DIAPH2: variants seen among roughly 807,000 people sequenced by gnomAD.
DIAPH2 encodes the protein protein diaphanous homolog 2.
In DIAPH2, 35 loss-of-function variants were observed where a neutral mutation model predicts 92.7. That is an observed-to-expected ratio of 0.38 (90% CI 0.29 to 0.50). The LOEUF (loss-of-function observed/expected upper bound fraction) is 0.50, where lower values mean the gene tolerates loss of function less well. Among genes scored for constraint, DIAPH2 ranks in the 20% least tolerant of loss-of-function variants. The pLI, the probability that DIAPH2 is intolerant of heterozygous loss-of-function variation, is 0.94. For synonymous variants in DIAPH2, 301 were observed against 280.4 expected (o/e 1.07, Z -0.73); for missense variants, 701 against 819.5 (o/e 0.86, Z 1.77).
intron 26 of DIAPH2, among the ~76,000 whole-genome samples, chrX:97,531,584 T>A (rs765488511): frequency 1.8e-5 from 2 of 112,284 alleles, no homozygotes; most frequent in African/African-American, 6.5e-5. Context: ...TACATACTAA[T>A]GTTTATCTGT....
chrX:97,503,843 CA>C (rs2070814811), intron 26 of DIAPH2, among the ~76,000 whole-genome samples: 1 of 112,059 alleles, frequency 8.9e-6, no homozygotes, highest in Non-Finnish European at 1.9e-5. Flanking sequence ...TATCCAAAAA[CA>C]ATTCTTTTTA....
At position 97,238,976 on chromosome X, in the gene DIAPH2, T is replaced by A. The variant is rs549629578; in HGVS notation, c.2720-8739T>A. On this transcript the variant is annotated intron_variant, in intron 22 of 26. Coordinates refer to ENST00000324765, the MANE Select transcript of DIAPH2 (RefSeq NM_006729.5). ...TGTTTGGGCCTATTCACATATAGAC[T>A]TGCAAGAGTAAATTCTTACTTGGTC... 7.9e-4 allele frequency among the ~76,000 whole-genome samples: 88 copies of A among 112,094 alleles called. 4 individuals carry two copies. The South Asian group carries it at 0.02, about 26-fold the overall frequency.
chrX:96,889,374 A>G (rs2065291963), intron 5 of DIAPH2, among the ~76,000 whole-genome samples: 1 of 111,451 alleles, frequency 9.0e-6, no homozygotes, highest in South Asian at 3.7e-4. Context: ...TCTTTGCCCT[A>G]TCCATTGTGG....
chrX:97,335,245 C>G (rs1034614292), intron 23 of DIAPH2, among the ~76,000 whole-genome samples: 1 of 111,381 alleles, frequency 9.0e-6, no homozygotes, highest in Admixed American at 9.6e-5. Flanking sequence ...GTTCAATAAA[C>G]ATTAGTTTCT....
At chrX:97,389,465 C>CAA (rs1164301048) in intron 25 of DIAPH2, among the ~76,000 whole-genome samples, 749 of 34,423 alleles carry the variant, frequency 0.022, 15 homozygotes, top group African/African-American at 0.071. Context: ...GACTCTGTCT[C>CAA]AAAAAAAAAA....
intron 17 of DIAPH2, among the ~76,000 whole-genome samples, chrX:97,008,374 CATCT>C (rs749193559): frequency 1.8e-5 from 2 of 110,843 alleles, no homozygotes; most frequent in South Asian, 7.8e-4. Context: ...TTGAATTCTC[CATCT>C]GAAAGGTCAC....
chrX:97,243,425 A>G lies in DIAPH2; in HGVS notation c.2720-4290A>G, dbSNP rs73632883. ...TGATACTCTGTAACCTGAGTTTTTC[A>G]AATTTAAGAGGCTGGTCCAAATCTC... On this transcript the variant is annotated intron_variant, in intron 22 of 26. Coordinates refer to ENST00000324765, the MANE Select transcript of DIAPH2 (RefSeq NM_006729.5). Among the ~76,000 whole-genome samples the G allele has an allele frequency of 2.5e-3, 272 of 110,550 alleles. 1 individual carries two copies. Among genetic ancestry groups the G allele is most frequent in the African/African-American group, 8.7e-3 (263 of 30,331 alleles).
At chrX:97,377,488 T>A (rs1032863704) in intron 24 of DIAPH2, among the ~76,000 whole-genome samples, 3 of 112,191 alleles carry the variant, frequency 2.7e-5, no homozygotes, top group Non-Finnish European at 5.6e-5. Context: ...TCTGTTATAA[T>A]CTTATGGGAC....
chrX:97,325,727 G>A (rs2068945405), intron 23 of DIAPH2, among the ~76,000 whole-genome samples: 2 of 110,496 alleles, frequency 1.8e-5, no homozygotes, highest in African/African-American at 3.3e-5. Flanking sequence ...ACAGGCGCCC[G>A]CCACCGCGCC....
At chrX:96,931,383 T>C (rs1468742053) in intron 10 of DIAPH2, among the ~76,000 whole-genome samples, 3 of 111,881 alleles carry the variant, frequency 2.7e-5, no homozygotes, top group Non-Finnish European at 5.7e-5. Flanking sequence ...TTTGGAATGA[T>C]TTTGTATGCT....
chrX:97,197,665 A>G (rs2067714607), intron 22 of DIAPH2, among the ~76,000 whole-genome samples: 1 of 112,050 alleles, frequency 8.9e-6, no homozygotes, highest in African/African-American at 3.2e-5. Flanking sequence ...ACTATAGATG[A>G]CATTTGTTTC....
At chrX:96,691,855 G>A (rs2063799496) in intron 1 of DIAPH2, among the ~76,000 whole-genome samples, 1 of 111,678 alleles carries the variant, frequency 9.0e-6, no homozygotes, top group South Asian at 3.7e-4. Context: ...TTATTAGGAA[G>A]GAATTATTCC....
intron 5 of DIAPH2, among the ~76,000 whole-genome samples, chrX:96,897,384 A>G (rs1311409813): frequency 2.7e-5 from 3 of 110,438 alleles, no homozygotes; most frequent in African/African-American, 9.9e-5. Context: ...GGAAGTTGCA[A>G]TGAATTTATA....
At chrX:97,052,096 T>C (rs2066524288) in intron 17 of DIAPH2, among the ~76,000 whole-genome samples, 1 of 111,226 alleles carries the variant, frequency 9.0e-6, no homozygotes, top group Admixed American at 9.6e-5. Context: ...GAATAAGACG[T>C]GTTCAACTAT....
intron 26 of DIAPH2, among the ~76,000 whole-genome samples, chrX:97,472,709 C>T (rs1196718481): frequency 3.6e-5 from 4 of 112,175 alleles, no homozygotes; most frequent in African/African-American, 9.7e-5. Context: ...ATTATAATTG[C>T]TTGCTTGTTT....
chrX:97,275,839 G>A (rs2068445666), intron 23 of DIAPH2, among the ~76,000 whole-genome samples: 1 of 111,695 alleles, frequency 9.0e-6, no homozygotes, highest in African/African-American at 3.2e-5. Flanking sequence ...GATGATGGGC[G>A]GCCAGGCAGA....
At chrX:97,440,821 A>G (rs2070249203) in intron 26 of DIAPH2, among the ~76,000 whole-genome samples, 1 of 109,852 alleles carries the variant, frequency 9.1e-6, no homozygotes, top group Non-Finnish European at 1.9e-5. Flanking sequence ...GACATGGGAG[A>G]CTCAAATAGG....
intron 26 of DIAPH2, among the ~76,000 whole-genome samples, chrX:97,524,423 C>T (rs1278689532): frequency 8.9e-6 from 1 of 112,204 alleles, no homozygotes; most frequent in Non-Finnish European, 1.9e-5. Flanking sequence ...GTAAAAATGA[C>T]TTAAGTGCTT....
intron 23 of DIAPH2, among the ~76,000 whole-genome samples, chrX:97,254,684 CTTTATTTTATTTTA>C (rs1314713907): frequency 1.3e-4 from 14 of 108,775 alleles, no homozygotes; most frequent in Middle Eastern, 4.8e-3. Flanking sequence ...CTATTACTAA[CTTTATTTTATTTTA>C]TTTATTTTAT....
Sources: allele counts gnomAD v4.1 joint callset (sites outside exome capture counted in the v4.1 genomes callset), GRCh38; gene constraint gnomAD v4.1.1; transcripts MANE v1.5; gene names NCBI Gene and HGNC (gene_info 2026-07-23, HGNC 2026-07-21).